Variants in SCFD2 observed in about 807,000 individuals in gnomAD.
The protein encoded by SCFD2 is sec1 family domain-containing protein 2.
SCFD2 carries 54 observed loss-of-function variants against 58.9 expected under a neutral mutation model. The observed-to-expected ratio is 0.92, with a 90% CI of 0.74 to 1.15. The LOEUF is 1.15. Ranked by LOEUF, SCFD2 falls within the 50% of genes most tolerant of loss-of-function variation. The probability of loss-of-function intolerance (pLI) is 0.00; values close to 1 mark genes in which losing one functional copy is unlikely to be tolerated. For missense variants in SCFD2, 805 were observed against 836.6 expected (o/e 0.96, Z 0.47); for synonymous variants, 321 against 335.9 (o/e 0.96, Z 0.49).
intron 3 of SCFD2, among the ~76,000 whole-genome samples, chr4:53,300,163 A>G (rs538644180): frequency 6.6e-6 from 1 of 152,334 alleles, no homozygotes; most frequent in East Asian, 1.9e-4. Flanking sequence ...CAAATTGGAT[A>G]AAGAGTCAAG....
At chr4:53,301,779 A>G (rs1732310050) in intron 3 of SCFD2, among the ~76,000 whole-genome samples, 1 of 152,136 alleles carries the variant, frequency 6.6e-6, no homozygotes, top group Non-Finnish European at 1.5e-5. Context: ...CATCCCTGGG[A>G]TGCAAGGTTG....
intron 5 of SCFD2, among the ~76,000 whole-genome samples, chr4:53,081,360 C>G (rs1222908804): frequency 1.3e-5 from 2 of 152,072 alleles, no homozygotes; most frequent in Non-Finnish European, 2.9e-5. Flanking sequence ...ATCACCCAGA[C>G]AGTGAGTATA....
intron 2 of SCFD2, among the ~76,000 whole-genome samples, chr4:53,332,814 G>C (rs1407091429): frequency 2.0e-5 from 3 of 151,124 alleles, no homozygotes; most frequent in Non-Finnish European, 4.4e-5. Context: ...AATTGTCCCT[G>C]TTTGCAGACG....
intron 5 of SCFD2, among the ~76,000 whole-genome samples, chr4:53,012,019 T>A (rs63118861): frequency 2.4e-5 from 3 of 124,590 alleles, no homozygotes; most frequent in Admixed American, 8.4e-5. Context: ...TTTTTTTTTT[T>A]AATAGCTTAA....
At chr4:52,886,229 T>G (rs1718737678) in intron 7 of SCFD2, among the ~76,000 whole-genome samples, 1 of 152,204 alleles carries the variant, frequency 6.6e-6, no homozygotes, top group Non-Finnish European at 1.5e-5. Context: ...GCCTTTTTTT[T>G]GCTTACTTGC....
intron 1 of SCFD2, among the ~76,000 whole-genome samples, chr4:53,356,750 T>C (rs1734411728): frequency 2.7e-5 from 4 of 147,336 alleles, no homozygotes; most frequent in Admixed American, 2.7e-4. Context: ...TTTTTTTTTT[T>C]TGTTGAGACA....
chr4:53,010,438 GC>G (rs1722069740), intron 5 of SCFD2, among the ~76,000 whole-genome samples: 1 of 152,196 alleles, frequency 6.6e-6, no homozygotes, highest in Non-Finnish European at 1.5e-5. Context: ...ACAGGTTTGT[GC>G]TTTTAGAGGC....
intron 3 of SCFD2, among the ~76,000 whole-genome samples, chr4:53,284,807 C>T (rs1731613642): frequency 6.6e-6 from 1 of 152,124 alleles, no homozygotes; most frequent in African/African-American, 2.4e-5. Flanking sequence ...ACATCTCCCA[C>T]AGGGATTTGG....
At chr4:53,304,514 C>T (rs1732450991) in intron 3 of SCFD2, among the ~76,000 whole-genome samples, 1 of 151,796 alleles carries the variant, frequency 6.6e-6, no homozygotes, top group Non-Finnish European at 1.5e-5. Context: ...TTCTTGGAGG[C>T]TTTGTTTCTT....
intron 4 of SCFD2, among the ~76,000 whole-genome samples, chr4:53,189,302 A>G (rs566379662): frequency 6.6e-6 from 1 of 152,212 alleles, no homozygotes; most frequent in African/African-American, 2.4e-5. Context: ...GGATCCAAAC[A>G]TGCCTGAAGC....
At chr4:53,224,383 C>A (rs1026136566) in intron 4 of SCFD2, among the ~76,000 whole-genome samples, 1 of 92,102 alleles carries the variant, frequency 1.1e-5, no homozygotes, top group Non-Finnish European at 2.2e-5. Flanking sequence ...AGCAAGACTC[C>A]GTCTCAAAAA....
intron 5 of SCFD2, among the ~76,000 whole-genome samples, chr4:53,084,162 T>C (rs1560328352): frequency 2.0e-5 from 3 of 152,156 alleles, no homozygotes; most frequent in Non-Finnish European, 2.9e-5. Flanking sequence ...ATCTCAGTCC[T>C]AATCTCAACT....
chr4:52,941,332 A>G (rs1720287911), intron 5 of SCFD2, among the ~76,000 whole-genome samples: 1 of 152,212 alleles, frequency 6.6e-6, no homozygotes, highest in Non-Finnish European at 1.5e-5. Flanking sequence ...TTAGAACGTA[A>G]TAAGTACTCA....
chr4:53,002,607 T>A (rs988641027), intron 5 of SCFD2, among the ~76,000 whole-genome samples: 1 of 152,156 alleles, frequency 6.6e-6, no homozygotes, highest in African/African-American at 2.4e-5. Flanking sequence ...CTTGATACAG[T>A]TTTAGGCAAT....
chr4:53,360,445 T>C (rs1457031167), intron 1 of SCFD2, among the ~76,000 whole-genome samples: 1 of 152,222 alleles, frequency 6.6e-6, no homozygotes, highest in East Asian at 1.9e-4. Context: ...TGGACACTTC[T>C]TGAGTATCCT....
In SCFD2 at chr4:53,310,655, C is replaced by G. The variant is rs373641585; in HGVS notation, c.1135+2981G>C. ...AGTTAACTGACAATTTAATAACAAG[C>G]TCTCAGAAGGATGACATGTTTATAT... On this transcript the variant is annotated intron_variant, in intron 3 of 8. Coordinates refer to ENST00000401642, the MANE Select transcript of SCFD2 (RefSeq NM_152540.4). Among the ~76,000 whole-genome samples, 7 of 152,304 alleles carry G rather than the reference C, an allele frequency of 4.6e-5. No homozygotes were observed. In the East Asian group the frequency reaches 1.3e-3, roughly 29 times the overall value.
rs184928634 is a variant in SCFD2, at chr4:52,959,868, C to T, written c.1562-38998G>A. Among the ~76,000 whole-genome samples, 182 of 143,338 alleles carry T rather than the reference C, an allele frequency of 1.3e-3. 1 individual carries two copies. Among genetic ancestry groups the T allele is most frequent in the African/African-American group, 4.5e-3 (176 of 39,466 alleles). The allele number at this position is 143,338 out of a possible 152,430, so 94.0% of individuals were successfully genotyped here. ...ACTGACAGTACATGAGGGAGGGAGG[C>T]AGGGAGGAAGAGAGAGACTCCAAAT... On this transcript the variant is annotated intron_variant, in intron 5 of 8. Coordinates refer to ENST00000401642, the MANE Select transcript of SCFD2 (RefSeq NM_152540.4).
intron 8 of SCFD2, among the ~76,000 whole-genome samples, chr4:52,880,641 A>G (rs932233270): frequency 1.3e-5 from 2 of 152,074 alleles, no homozygotes; most frequent in African/African-American, 2.4e-5. Flanking sequence ...AGAAAAAGAA[A>G]AAAAGAAAAA....
rs1439613221 is a variant in SCFD2, at chr4:53,169,673, A to G, written c.1312-24091T>C. 1.1e-4 allele frequency among the ~76,000 whole-genome samples: 16 copies of G among 152,328 alleles called. 1 individual carries two copies. The highest frequency in any genetic ancestry group is 3.4e-4 in the African/African-American group (14 of 41,578). On this transcript the variant is annotated intron_variant, in intron 4 of 8. Coordinates refer to ENST00000401642, the MANE Select transcript of SCFD2 (RefSeq NM_152540.4). ...ACATTCCCATCAACAGTGCGTACAG[A>G]TTCCCTTTTCTCCACATCCTCGCCC...
Sources: gnomAD v4.1 joint callset for allele counts (sites outside exome capture counted in the v4.1 genomes callset) on GRCh38, gnomAD v4.1.1 for gene constraint, MANE v1.5 for transcripts, NCBI Gene and HGNC (gene_info 2026-07-23, HGNC 2026-07-21) for gene names.